LSP1: variants seen among roughly 807,000 people sequenced by gnomAD.
LSP1 encodes the protein lymphocyte-specific protein 1.
A neutral mutation model predicts 49.3 loss-of-function variants in LSP1; 32 were observed. The observed-to-expected ratio is 0.65, with a 90% CI of 0.49 to 0.87. LSP1 has a LOEUF of 0.87. Among genes scored for constraint, LSP1 ranks in the 40% least tolerant of loss-of-function variants. The probability of loss-of-function intolerance (pLI) is 0.00; values close to 1 mark genes in which losing one functional copy is unlikely to be tolerated. For missense variants in LSP1, 428 were observed against 442.6 expected, an observed-to-expected ratio of 0.97 and a Z score of 0.30; for synonymous variants, 179 against 178.8, an observed-to-expected ratio of 1.00 and a Z score of -0.01.
At chr11:1,885,617 C>T (rs1848721715) in intron 7 of LSP1, among the ~76,000 whole-genome samples, 2 of 151,980 alleles carry the variant, frequency 1.3e-5, no homozygotes, top group Admixed American at 6.6e-5. Context: ...TTCTATTCAA[C>T]CAATACTTCT....
chr11:1,873,377 A>G (rs1848125863), intron 1 of LSP1, among the ~76,000 whole-genome samples: 2 of 152,018 alleles, frequency 1.3e-5, no homozygotes, highest in South Asian at 4.2e-4. Flanking sequence ...TTCTTGATCC[A>G]CATCATGGGT....
chr11:1,853,880 C>CAG (rs1266625917), intron 1 of LSP1, among the ~76,000 whole-genome samples: 4 of 152,146 alleles, frequency 2.6e-5, no homozygotes, highest in Non-Finnish European at 4.4e-5. Flanking sequence ...CTGCCAAAGG[C>CAG]CTCCTAGCGG....
rs661348 is a variant in LSP1 at position 1,884,062 on chromosome 11, T to C, written c.591+38T>C. ...GCAAAGCCTGCCATCTTCTCCCCTC[T>C]CCCGTACTCATACCCAAAAGGCCAA... On this transcript the variant is annotated intron_variant, in intron 5 of 10. Transcript: ENST00000311604. The surrounding 1 kb of genome is among the most constrained non-coding windows in gnomAD (Gnocchi z 4.1). 0.41 allele frequency: 653,502 copies of C among 1,574,862 alleles called. 141,011 individuals are homozygous for C. Among genetic ancestry groups the C allele is most frequent in the East Asian group, 0.58 (26,061 of 44,592 alleles).
rs146194987 is a variant in LSP1, at chr11:1,880,201, C to G, written c.168C>G (p.Pro56=). ...ACGAGGAGGGAGGCGGCCATGTCCC[C>G]GAGCGGCCGAAGCAGGAGATGCTGT... is the stretch of plus-strand genomic sequence containing the variant. The part of the protein sequence containing the change: ...AQDEEGGGHV[P]ERPKQEMLLS... The change falls in exon 2 of 11, where the codon CCC becomes CCG. Residue 56 remains proline (P), a synonymous_variant. Coordinates refer to ENST00000311604, the MANE Select transcript of LSP1 (RefSeq NM_002339.3). The G allele has an allele frequency of 1.8e-5, 29 of 1,599,398 alleles. No individual in the cohort carries two copies. Among genetic ancestry groups the G allele is most frequent in the East Asian group, 2.3e-5 (1 of 43,868 alleles).
intron 1 of LSP1, among the ~76,000 whole-genome samples, chr11:1,868,039 C>G (rs1441432465): frequency 2.0e-5 from 3 of 152,344 alleles, no homozygotes; most frequent in African/African-American, 4.8e-5. Flanking sequence ...GGAGTCTGCC[C>G]TGTGCCTCCT....
At chr11:1,869,112 G>T (rs1160992653) in intron 1 of LSP1, 1 of 710,528 alleles carries the variant, frequency 1.4e-6, no homozygotes, top group African/African-American at 1.9e-5. Flanking sequence ...AGGGAGAAGG[G>T]TGAGGGGCTT....
intron 1 of LSP1, chr11:1,859,438 A>T (rs1847567080): frequency 6.5e-6 from 1 of 153,752 alleles, no homozygotes; most frequent in South Asian, 2.0e-4. Context: ...CCTCATCTCA[A>T]AAGTGCCTGT....
At chr11:1,876,741 G>A (rs112865658) in intron 1 of LSP1, 27 of 349,422 alleles carry the variant, frequency 7.7e-5, no homozygotes, top group South Asian at 1.0e-4. Context: ...GTGGAGGAAG[G>A]AGAAGAAGGG....
At chr11:1,860,566 G>A (rs1420780034) in intron 1 of LSP1, among the ~76,000 whole-genome samples, 1 of 152,218 alleles carries the variant, frequency 6.6e-6, no homozygotes, top group African/African-American at 2.4e-5. Context: ...ATGAAAGAAC[G>A]AATGGATGGG....
rs375066461 is a variant in LSP1, at chr11:1,884,543, A to C, written c.679A>C (p.Ile227Leu). 1 of 1,613,784 alleles carries C rather than the reference A, an allele frequency of 6.2e-7. No individual in the cohort carries two copies. The highest frequency in any genetic ancestry group is 8.5e-7 in the Non-Finnish European group (1 of 1,179,938). The part of the protein sequence containing the change: ...KSQPDLPISK[I>L]DQWLEQYTQA... ...CCAGCCAGACTTGCCCATCTCCAAG[A>C]TTGATCAGTGGCTGGAACAATACAC... Residue 227 changes from isoleucine to leucine, a missense_variant, in exon 7 of 11, where the codon ATT becomes CTT. Physicochemically the swap from Ile to Leu is conservative, Grantham distance 5. Transcript: ENST00000311604. This position sits in a 1 kb window ranked among gnomAD's most constrained non-coding sequence, Gnocchi z 4.1.
intron 1 of LSP1, among the ~76,000 whole-genome samples, chr11:1,858,912 G>A (rs1384886798): frequency 2.0e-5 from 3 of 152,218 alleles, no homozygotes; most frequent in Non-Finnish European, 4.4e-5. Context: ...GTGGCAGGAG[G>A]AAAGCCCCTG....
At chr11:1,881,939 G>A (rs890726500) in intron 3 of LSP1, among the ~76,000 whole-genome samples, 3 of 152,176 alleles carry the variant, frequency 2.0e-5, no homozygotes, top group African/African-American at 7.2e-5. Flanking sequence ...CAGCTGCGAG[G>A]CCAGGCCGGG....
At position 1,884,944 on chromosome 11, in the gene LSP1, G is replaced by A. The variant is rs3817197; in HGVS notation, c.717+363G>A. Among the ~76,000 whole-genome samples the A allele has an allele frequency of 0.48, 72,202 of 151,608 alleles. 17,778 individuals carry two copies. The highest frequency in any genetic ancestry group is 0.81 in the East Asian group (4,154 of 5,142). The stretch of plus-strand genomic sequence containing the variant: ...TTCAATCAATGCCCCCCTCGGAACA[G>A]TACTCCACCACCCAATCAATGCTCT... On this transcript the variant is annotated intron_variant, in intron 7 of 10. Transcript: ENST00000311604. The surrounding 1 kb of genome is among the most constrained non-coding windows in gnomAD (Gnocchi z 4.1).
chr11:1,870,103 G>T (rs1194808497), intron 1 of LSP1: 2 of 475,946 alleles, frequency 4.2e-6, no homozygotes, highest in African/African-American at 2.0e-5. Flanking sequence ...GGCGCTGGCT[G>T]CACTGGTGCT....
At chr11:1,873,789 G>A (rs1210973585) in intron 1 of LSP1, among the ~76,000 whole-genome samples, 6 of 151,972 alleles carry the variant, frequency 3.9e-5, no homozygotes, top group Admixed American at 2.6e-4. Flanking sequence ...CCATCAGGGT[G>A]GCAACCAGAA....
chr11:1,857,152 A>G (rs1387405632), intron 1 of LSP1, among the ~76,000 whole-genome samples: 2 of 152,130 alleles, frequency 1.3e-5, no homozygotes, highest in Non-Finnish European at 2.9e-5. Context: ...GCTGCTGTCC[A>G]CCGACACCCA....
intron 1 of LSP1, chr11:1,866,431 T>A: frequency 2.1e-6 from 3 of 1,445,502 alleles, no homozygotes; most frequent in Non-Finnish European, 2.7e-6. Flanking sequence ...GGCTCACCCC[T>A]CCTCCCCAGC....
intron 1 of LSP1, among the ~76,000 whole-genome samples, chr11:1,857,826 C>T (rs897791877): frequency 5.7e-4 from 87 of 152,304 alleles, no homozygotes; most frequent in African/African-American, 2.0e-3. Context: ...ACAATCTCGG[C>T]TCACTGGAAC....
chr11:1,883,700 C>T lies in LSP1; in HGVS notation c.498+140C>T, dbSNP rs2133123194. On this transcript the variant is annotated intron_variant, in intron 4 of 10. Transcript: ENST00000311604. Reference sequence around the variant, plus strand: ...CCCACACCCCTAGACCTTGCAGCCCCTTCTGGGCCCACATTCTCAGAGAGG... The same window carrying T: ...CCCACACCCCTAGACCTTGCAGCCCTTTCTGGGCCCACATTCTCAGAGAGG... 20 of 1,126,704 alleles carry T rather than the reference C, an allele frequency of 1.8e-5. No individual in the cohort carries two copies. The South Asian group carries it at 2.2e-4, about 13-fold the overall frequency. The allele number at this position is 1,126,704 out of a possible 1,614,324, so 69.8% of individuals were successfully genotyped here.
Sources: gnomAD v4.1 joint callset for allele counts (sites outside exome capture counted in the v4.1 genomes callset) on GRCh38, gnomAD v4.1.1 for gene constraint, Gnocchi (gnomAD v3.1) non-coding constraint, MANE v1.5 for transcripts, NCBI Gene and HGNC (gene_info 2026-07-23, HGNC 2026-07-21) for gene names.